The following DIP2B variants were observed in gnomAD, a reference collection of about 807,000 sequenced individuals.
DIP2B encodes the protein DIP2 acetate--CoA ligase B (putative), also known as disco-interacting protein 2 homolog B.
In DIP2B, 76 loss-of-function variants were observed where a neutral mutation model predicts 198.0. The observed-to-expected ratio is 0.38, with a 90% CI of 0.32 to 0.46. The LOEUF is 0.46. Ranked by LOEUF, DIP2B falls within the 20% of genes least tolerant of loss-of-function variation. The pLI, the probability that DIP2B is intolerant of heterozygous loss-of-function variation, is 0.99. For synonymous variants in DIP2B, 701 were observed against 739.1 expected (o/e 0.95, Z 0.84); for missense variants, 1,559 against 1,978.4 (o/e 0.79, Z 4.02).
chr12:50,515,552 T>C (rs1028741847), intron 1 of DIP2B, among the ~76,000 whole-genome samples: 17 of 152,180 alleles, frequency 1.1e-4, no homozygotes, highest in African/African-American at 4.1e-4. Context: ...GGTATCTTTA[T>C]GAAACTCTCC....
chr12:50,617,998 A>T (rs1280352221), intron 1 of DIP2B, among the ~76,000 whole-genome samples: 1 of 152,184 alleles, frequency 6.6e-6, no homozygotes, highest in African/African-American at 2.4e-5. Context: ...GCCACCTACA[A>T]ATAACAATGG....
intron 1 of DIP2B, among the ~76,000 whole-genome samples, chr12:50,570,705 T>C (rs1409516933): frequency 6.6e-6 from 1 of 152,270 alleles, no homozygotes; most frequent in East Asian, 1.9e-4. Context: ...TGAAACTCGG[T>C]CCCCCAACAA....
intron 31 of DIP2B, 65 bp downstream of exon 31, chr12:50,731,602 C>G (rs1940043798): frequency 1.3e-6 from 2 of 1,541,220 alleles, no homozygotes; most frequent in Non-Finnish European, 1.8e-6. Flanking sequence ...CAGGACGTAA[C>G]AGGGCCAGAG....
At chr12:50,584,521 C>T (rs1001121436) in intron 1 of DIP2B, among the ~76,000 whole-genome samples, 1 of 152,212 alleles carries the variant, frequency 6.6e-6, no homozygotes. Context: ...GTTCTCTTCA[C>T]AGCAGGCAGA....
At chr12:50,528,064 A>C (rs1447627912) in intron 1 of DIP2B, among the ~76,000 whole-genome samples, 1 of 151,824 alleles carries the variant, frequency 6.6e-6, no homozygotes, top group Non-Finnish European at 1.5e-5. Flanking sequence ...GGTAGCTGAG[A>C]CTACAAGCAT....
chr12:50,592,166 A>G (rs1414766914), intron 1 of DIP2B, among the ~76,000 whole-genome samples: 2 of 152,016 alleles, frequency 1.3e-5, no homozygotes, highest in Non-Finnish European at 2.9e-5. Context: ...GGCGTGAGCC[A>G]CTGCGCCCAG....
At chr12:50,713,803 G>GGCT (rs1555194730) in intron 22 of DIP2B, among the ~76,000 whole-genome samples, 1 of 151,772 alleles carries the variant, frequency 6.6e-6, no homozygotes. Flanking sequence ...GCTGGGCATG[G>GGCT]TATGACAGTA....
intron 30 of DIP2B, among the ~76,000 whole-genome samples, chr12:50,729,774 G>C (rs1182744591): frequency 1.3e-5 from 2 of 149,260 alleles, no homozygotes; most frequent in Non-Finnish European, 3.0e-5. Context: ...CTGTTGCCCA[G>C]GCTGGAGTGC....
chr12:50,660,560 T>C (rs1256778033), intron 4 of DIP2B, among the ~76,000 whole-genome samples: 1 of 144,082 alleles, frequency 6.9e-6, no homozygotes, highest in African/African-American at 2.5e-5. Context: ...ATTTCCAGTC[T>C]TTTTTTTTTT....
Position 50,634,103 on chromosome 12 carries a change from A to G in DIP2B, c.173-6621A>G, listed in dbSNP as rs77529401. Among the ~76,000 whole-genome samples, 1,361 of 152,318 alleles carry G rather than the reference A, an allele frequency of 8.9e-3. 26 individuals carry two copies. The highest frequency in any genetic ancestry group is 0.031 in the African/African-American group (1,306 of 41,570). ...CTGAGCTGTCTGCTCTTTGAAAGGA[A>G]TGGCCCACAGAACATCTTTCAGTAG... On this transcript the variant is annotated intron_variant, in intron 2 of 37. Coordinates refer to ENST00000301180, the MANE Select transcript of DIP2B (RefSeq NM_173602.3).
chr12:50,690,380 C>A (rs1247096338), intron 12 of DIP2B, among the ~76,000 whole-genome samples: 1 of 152,154 alleles, frequency 6.6e-6, no homozygotes, highest in African/African-American at 2.4e-5. Flanking sequence ...GCCACCGCAC[C>A]CAGCCAAAAT....
intron 1 of DIP2B, among the ~76,000 whole-genome samples, chr12:50,592,913 A>C (rs1289654222): frequency 9.9e-5 from 15 of 152,178 alleles, no homozygotes; most frequent in Admixed American, 9.8e-4. Context: ...ACTCCAAAGC[A>C]GTTGGGCATT....
rs1388803548 is a variant in DIP2B, at chr12:50,580,567, ACT to A, written c.101-45406_101-45405del. On this transcript the variant is annotated intron_variant, in intron 1 of 37. Coordinates refer to ENST00000301180, the MANE Select transcript of DIP2B (RefSeq NM_173602.3). The stretch of plus-strand genomic sequence containing the variant: ...TTTTTTTTTTTTGAGACTGTGTCTC[ACT>A]CTGTTGCCCAGACTAGAGTGTAGTG... Among the ~76,000 whole-genome samples, 8 of 119,230 alleles carry A rather than the reference ACT, an allele frequency of 6.7e-5. 1 individual carries two copies. The highest frequency in any genetic ancestry group is 2.2e-4 in the Admixed American group (2 of 9,066). 78.2% of individuals were successfully genotyped at this position (119,230 alleles called of 152,430 possible). A position where few individuals can be genotyped will look rare whatever the true frequency, so the allele number is the denominator to read the frequency against.
chr12:50,686,445 A>G, intron 11 of DIP2B, 128 bp from the exon 12 acceptor site: 1 of 800,210 alleles, frequency 1.2e-6, no homozygotes, highest in Non-Finnish European at 1.9e-6. Context: ...AAACTAATAA[A>G]AACTAAGTAT....
intron 22 of DIP2B, 84 bp downstream of exon 22, chr12:50,708,646 A>G (rs1939558647): frequency 1.8e-6 from 2 of 1,081,322 alleles, no homozygotes; most frequent in Admixed American, 2.0e-5. Context: ...TCAGCCAGTA[A>G]TGCCACCTTA....
At chr12:50,579,726 T>C (rs1958706168) in intron 1 of DIP2B, among the ~76,000 whole-genome samples, 8 of 119,720 alleles carry the variant, frequency 6.7e-5, no homozygotes, top group Admixed American at 1.0e-4. Context: ...TATACATAGC[T>C]TCATGGACCC....
chr12:50,553,833 T>G (rs573962916), intron 1 of DIP2B, among the ~76,000 whole-genome samples: 1 of 152,210 alleles, frequency 6.6e-6, no homozygotes, highest in South Asian at 2.1e-4. Flanking sequence ...TTTAAATTTT[T>G]TGTGGAGATG....
chr12:50,735,011 C>T (rs1940110653), intron 33 of DIP2B, 62 bp from the exon 34 acceptor site: 1 of 1,595,098 alleles, frequency 6.3e-7, no homozygotes, highest in East Asian at 2.2e-5. Context: ...CACCGAGCTG[C>T]AGGAACATGG....
intron 1 of DIP2B, among the ~76,000 whole-genome samples, chr12:50,547,914 C>A (rs1033028253): frequency 1.3e-5 from 2 of 151,866 alleles, no homozygotes; most frequent in Non-Finnish European, 2.9e-5. Flanking sequence ...ACAAAAAATA[C>A]AAAAATTAGC....
Sources: gnomAD v4.1 joint callset for allele counts (sites outside exome capture counted in the v4.1 genomes callset) on GRCh38, gnomAD v4.1.1 for gene constraint, MANE v1.5 for transcripts, NCBI Gene and HGNC (gene_info 2026-07-23, HGNC 2026-07-21) for gene names.